FHIT: variants seen among roughly 807,000 people sequenced by gnomAD.
The protein encoded by FHIT is fragile histidine triad diadenosine triphosphatase.
Under a neutral mutation model 17.9 loss-of-function variants are expected in FHIT, and 19 were observed. The ratio of observed to expected loss-of-function variants is 1.06; its 90% CI spans 0.74 to 1.56. The LOEUF (loss-of-function observed/expected upper bound fraction) is 1.56. Among genes scored for constraint, FHIT ranks in the 40% most tolerant of loss-of-function variants. The pLI is 0.00. For missense variants in FHIT, 248 were observed against 189.2 expected (o/e 1.31, Z -1.82); for synonymous variants, 81 against 69.7 (o/e 1.16, Z -0.81).
At position 60,067,537 on chromosome 3, in the gene FHIT, G is replaced by C. The variant is rs950596947; in HGVS notation, c.104-53385C>G. 3.4e-5 allele frequency among the ~76,000 whole-genome samples: 5 copies of C among 147,302 alleles called. No homozygotes were observed. The South Asian group carries it at 6.4e-4, about 19-fold the overall frequency. ...ACATGATGTACAATGCAAAGGGCTT[G>C]CTAGTCATATTTGTCAAGAGAGCCC... On this transcript the variant is annotated intron_variant, in intron 5 of 9. Coordinates refer to ENST00000492590, the MANE Select transcript of FHIT (RefSeq NM_002012.4).
intron 4 of FHIT, among the ~76,000 whole-genome samples, chr3:60,707,394 A>G (rs1246818241): frequency 2.0e-5 from 3 of 152,214 alleles, no homozygotes; most frequent in Non-Finnish European, 2.9e-5. Context: ...GGGTTTACAC[A>G]TGGATAGAGA....
At chr3:60,984,555 T>A (rs1008096563) in intron 3 of FHIT, among the ~76,000 whole-genome samples, 2 of 152,288 alleles carry the variant, frequency 1.3e-5, no homozygotes, top group Middle Eastern at 3.4e-3. Flanking sequence ...TAAGCCTTAG[T>A]GGTGATCTAA....
intron 5 of FHIT, among the ~76,000 whole-genome samples, chr3:60,444,225 A>C (rs1205477349): frequency 6.6e-6 from 1 of 152,190 alleles, no homozygotes; most frequent in Non-Finnish European, 1.5e-5. Flanking sequence ...GAGAAATAGG[A>C]ACACTTTTAC....
chr3:60,452,250 T>G (rs2031798083), intron 5 of FHIT, among the ~76,000 whole-genome samples: 1 of 152,322 alleles, frequency 6.6e-6, no homozygotes, highest in Non-Finnish European at 1.5e-5. Flanking sequence ...TTTGGACTAA[T>G]AATTAGTAAC....
chr3:60,699,076 C>T (rs2041179266), intron 4 of FHIT, among the ~76,000 whole-genome samples: 1 of 152,026 alleles, frequency 6.6e-6, no homozygotes, highest in South Asian at 2.1e-4. Flanking sequence ...TTTCATTACA[C>T]CTTTTAAATG....
intron 3 of FHIT, among the ~76,000 whole-genome samples, chr3:61,041,403 C>T (rs111843089): frequency 0.014 from 2,137 of 151,798 alleles, 30 homozygotes; most frequent in South Asian, 0.062. Flanking sequence ...ACAAGACTAC[C>T]GAGAATCCGC....
At chr3:59,798,378 G>A (rs1699864358) in intron 8 of FHIT, among the ~76,000 whole-genome samples, 1 of 152,162 alleles carries the variant, frequency 6.6e-6, no homozygotes, top group Non-Finnish European at 1.5e-5. Context: ...ATAGCAGGAG[G>A]AAAGAAGATT....
chr3:60,646,632 G>T (rs957390970), intron 4 of FHIT, among the ~76,000 whole-genome samples: 2 of 152,180 alleles, frequency 1.3e-5, no homozygotes, highest in African/African-American at 4.8e-5. Context: ...TCTTTTGTGG[G>T]GGAAACAATT....
chr3:60,655,203 A>G (rs2040086081), intron 4 of FHIT, among the ~76,000 whole-genome samples: 1 of 152,134 alleles, frequency 6.6e-6, no homozygotes, highest in African/African-American at 2.4e-5. Flanking sequence ...TTGAAAAGTG[A>G]TTGCATTTAG....
At chr3:60,643,268 G>C (rs2039771752) in intron 4 of FHIT, among the ~76,000 whole-genome samples, 1 of 151,420 alleles carries the variant, frequency 6.6e-6, no homozygotes, top group South Asian at 2.1e-4. Flanking sequence ...TAAATTACTG[G>C]AAACACATCC....
intron 5 of FHIT, chr3:60,536,554 A>T: frequency 3.9e-6 from 1 of 259,174 alleles, no homozygotes; most frequent in Non-Finnish European, 7.2e-6. Flanking sequence ...TTTTAGAAGC[A>T]CCTATTTATT....
chr3:60,241,886 G>A (rs1376291329), intron 5 of FHIT, among the ~76,000 whole-genome samples: 1 of 152,022 alleles, frequency 6.6e-6, no homozygotes, highest in Non-Finnish European at 1.5e-5. Flanking sequence ...ATCACCTCTA[G>A]TAATTTTGTA....
chr3:61,151,359 T>A (rs774341190), intron 2 of FHIT, among the ~76,000 whole-genome samples: 8 of 152,218 alleles, frequency 5.3e-5, no homozygotes, highest in Non-Finnish European at 1.0e-4. Flanking sequence ...TTTCCAGGAA[T>A]GGCATACTTG....
chr3:60,652,237 C>G (rs1553688435), intron 4 of FHIT, among the ~76,000 whole-genome samples: 1 of 152,176 alleles, frequency 6.6e-6, no homozygotes, highest in Non-Finnish European at 1.5e-5. Flanking sequence ...GTGGACTAGC[C>G]TGAGGCCAAG....
At chr3:60,572,830 G>T (rs182157910) in intron 4 of FHIT, among the ~76,000 whole-genome samples, 1 of 152,240 alleles carries the variant, frequency 6.6e-6, no homozygotes, top group East Asian at 1.9e-4. Flanking sequence ...AGAGGTAATG[G>T]GAGCAGACCT....
chr3:60,953,610 C>A (rs1708987168), intron 3 of FHIT, among the ~76,000 whole-genome samples: 1 of 152,110 alleles, frequency 6.6e-6, no homozygotes, highest in African/African-American at 2.4e-5. Flanking sequence ...AAATTTAGCT[C>A]CTGTTGTGCC....
chr3:60,039,358 T>C (rs1575951643), intron 5 of FHIT, among the ~76,000 whole-genome samples: 1 of 152,184 alleles, frequency 6.6e-6, no homozygotes, highest in African/African-American at 2.4e-5. Context: ...CATAAGAGCA[T>C]GTTGACCAAA....
chr3:61,064,112 A>G (rs2034523164), intron 2 of FHIT, among the ~76,000 whole-genome samples: 1 of 152,194 alleles, frequency 6.6e-6, no homozygotes, highest in South Asian at 2.1e-4. Flanking sequence ...GTAACTGAAT[A>G]CTTCATTGAC....
chr3:59,865,777 C>CCACT (rs771396310), intron 8 of FHIT, among the ~76,000 whole-genome samples: 6 of 152,316 alleles, frequency 3.9e-5, no homozygotes, highest in African/African-American at 7.2e-5. Context: ...ATGTACCCAG[C>CCACT]CACTCCTTCA....
Sources: allele counts gnomAD v4.1 joint callset (sites outside exome capture counted in the v4.1 genomes callset), GRCh38; gene constraint gnomAD v4.1.1; transcripts MANE v1.5; gene names NCBI Gene and HGNC (gene_info 2026-07-23, HGNC 2026-07-21).